Variants in LSM4 observed in about 807,000 individuals in gnomAD.
LSM4 encodes the protein LSM4 homolog, U6 small nuclear RNA and mRNA degradation associated.
A neutral mutation model predicts 22.3 loss-of-function variants in LSM4; 15 were observed. The ratio of observed to expected loss-of-function variants is 0.67; its 90% CI spans 0.45 to 1.03. LSM4 has a LOEUF of 1.03. Ranked by LOEUF, LSM4 falls within the 50% of genes least tolerant of loss-of-function variation. LSM4 has a pLI of 0.00. For missense variants in LSM4, 127 were observed against 198.0 expected, an observed-to-expected ratio of 0.64 and a Z score of 2.15; for synonymous variants, 90 against 79.8, an observed-to-expected ratio of 1.13 and a Z score of -0.68.
intron 1 of LSM4, among the ~76,000 whole-genome samples, chr19:18,317,694 T>C (rs1410071241): frequency 1.3e-5 from 2 of 151,862 alleles, no homozygotes; most frequent in Non-Finnish European, 2.9e-5. Flanking sequence ...AGGTGAACTT[T>C]CAAGATTTTT....
intron 2 of LSM4, among the ~76,000 whole-genome samples, chr19:18,313,182 T>G (rs555022417): frequency 1.3e-5 from 2 of 151,294 alleles, no homozygotes; most frequent in East Asian, 3.9e-4. Flanking sequence ...TAGGGGGAGG[T>G]TGCAGTGAGC....
rs2232966 is a variant in LSM4, at chr19:18,316,048, C to T, written c.21G>A (p.Leu7=). The T allele has an allele frequency of 1.2e-6, 2 of 1,613,718 alleles. No homozygotes were observed. Among genetic ancestry groups the T allele is most frequent in the Non-Finnish European group, 1.7e-6 (2 of 1,179,768 alleles). ...CCATGGGGTGATTCTGAGCCGTCTT[C>T]AGCAGTGACAAGGGAAGCTGAAAGG... The part of the protein sequence containing the change: MLPLSL[L]KTAQNHPMLV... Residue 7 remains leucine (L), a synonymous_variant, in exon 2 of 5, where the codon CTG becomes CTA. Coordinates refer to ENST00000593829, the MANE Select transcript of LSM4 (RefSeq NM_012321.5).
chr19:18,316,199 C>G, intron 1 of LSM4, 134 bp from the exon 2 acceptor site: 3 of 686,080 alleles, frequency 4.4e-6, no homozygotes, highest in Non-Finnish European at 7.5e-6. Context: ...AATCACCCCC[C>G]ACTGGAAATG....
intron 1 of LSM4, among the ~76,000 whole-genome samples, chr19:18,318,833 T>C (rs1194607083): frequency 2.0e-5 from 3 of 152,248 alleles, no homozygotes; most frequent in African/African-American, 4.8e-5. Context: ...ACAGACCCTC[T>C]TGGGCCACCA....
chr19:18,315,104 C>T (rs1379594859), intron 2 of LSM4, among the ~76,000 whole-genome samples: 2 of 152,074 alleles, frequency 1.3e-5, no homozygotes, highest in East Asian at 1.9e-4. Context: ...CCAGGATGGT[C>T]TCGATCTCCT....
intron 3 of LSM4, chr19:18,310,234 G>A: frequency 3.9e-6 from 1 of 257,286 alleles, no homozygotes; most frequent in South Asian, 6.0e-5. Context: ...AAAGCCCAGA[G>A]CGGGTGGGGG....
chr19:18,316,158 G>T, intron 1 of LSM4, 93 bp from the exon 2 acceptor site: 1 of 1,184,478 alleles, frequency 8.4e-7, no homozygotes, highest in Non-Finnish European at 1.2e-6. Flanking sequence ...AGATGGTGCG[G>T]TGCGGTTGAG....
rs2148135784 is a variant in LSM4, at chr19:18,307,028, A to C, written c.*436T>G. On this transcript the variant is annotated 3_prime_UTR_variant, in exon 5 of 5. Transcript: ENST00000593829. ...TTCAACCGTCCCGGGTTTGTTTTGA[A>C]GGCAATTTTGGGGCCGCGCCCAAGG... 6.1e-6 allele frequency: 1 copy of C among 163,198 alleles called. No homozygotes were observed. Among genetic ancestry groups the C allele is most frequent in the Admixed American group, 6.4e-5 (1 of 15,568 alleles). 10.1% of individuals were successfully genotyped at this position (163,198 alleles called of 1,614,324 possible).
chr19:18,319,544 A>G (rs1441673737), intron 1 of LSM4, among the ~76,000 whole-genome samples: 1 of 152,200 alleles, frequency 6.6e-6, no homozygotes, highest in South Asian at 2.1e-4. Context: ...CCTGGGTGAC[A>G]GTGACACTTC....
At chr19:18,319,243 AAAAAAC>A (rs1970395364) in intron 1 of LSM4, among the ~76,000 whole-genome samples, 2 of 150,614 alleles carry the variant, frequency 1.3e-5, no homozygotes, top group African/African-American at 2.5e-5. Context: ...CTGTTTCAAA[AAAAAAC>A]AAAAAACAAA....
chr19:18,309,376 T>A lies in LSM4; in HGVS notation c.328+302A>T, dbSNP rs533177670. On this transcript the variant is annotated intron_variant, in intron 4 of 4. Coordinates refer to ENST00000593829, the MANE Select transcript of LSM4 (RefSeq NM_012321.5). ...GGATAGAGCCACGCCAGGTTCCAAG[T>A]GGAGTTGCCAGCGGCCTGGACAGAT... 33 of 412,718 alleles carry A rather than the reference T, an allele frequency of 8.0e-5. No homozygotes were observed. The South Asian group carries it at 1.6e-3, about 20-fold the overall frequency. 25.6% of individuals were successfully genotyped at this position (412,718 alleles called of 1,614,324 possible). A position where few individuals can be genotyped will look rare whatever the true frequency, so the allele number is the denominator to read the frequency against.
At chr19:18,313,358 T>G (rs1278735501) in intron 2 of LSM4, among the ~76,000 whole-genome samples, 7 of 152,216 alleles carry the variant, frequency 4.6e-5, no homozygotes, top group Non-Finnish European at 4.4e-5. Flanking sequence ...GCTGGGCTGG[T>G]CCTGGCAGGC....
intron 3 of LSM4, among the ~76,000 whole-genome samples, chr19:18,311,191 C>T (rs1368414875): frequency 6.6e-6 from 1 of 152,146 alleles, no homozygotes; most frequent in African/African-American, 2.4e-5. Context: ...GAGGCTTCCT[C>T]GTGCAGGAAC....
intron 1 of LSM4, among the ~76,000 whole-genome samples, chr19:18,316,982 C>T (rs1243166192): frequency 2.6e-5 from 4 of 152,016 alleles, no homozygotes; most frequent in African/African-American, 7.2e-5. Context: ...TTGCTGGGCA[C>T]GGTGGTGCGC....
At chr19:18,310,380 G>C (rs928619816) in intron 3 of LSM4, among the ~76,000 whole-genome samples, 1 of 152,194 alleles carries the variant, frequency 6.6e-6, no homozygotes, top group African/African-American at 2.4e-5. Flanking sequence ...CCTGCGCTGG[G>C]TGCAGGGACA....
chr19:18,318,842 C>T (rs1970388610), intron 1 of LSM4, among the ~76,000 whole-genome samples: 1 of 152,260 alleles, frequency 6.6e-6, no homozygotes, highest in Admixed American at 6.5e-5. Flanking sequence ...CTTGGGCCAC[C>T]ACCTGGTCTC....
At chr19:18,311,077 C>T (rs1290552193) in intron 3 of LSM4, among the ~76,000 whole-genome samples, 1 of 152,178 alleles carries the variant, frequency 6.6e-6, no homozygotes, top group Non-Finnish European at 1.5e-5. Flanking sequence ...TGCTCACTCT[C>T]CCAGGAACCC....
intron 3 of LSM4, among the ~76,000 whole-genome samples, chr19:18,311,284 G>A (rs946018257): frequency 6.6e-6 from 1 of 152,150 alleles, no homozygotes; most frequent in African/African-American, 2.4e-5. Context: ...CGGGGTCTCT[G>A]CATCCTGCGG....
chr19:18,310,637 CCCGCCCCA>C (rs763122348), intron 3 of LSM4, among the ~76,000 whole-genome samples: 2 of 152,180 alleles, frequency 1.3e-5, no homozygotes, highest in African/African-American at 2.4e-5. Context: ...GTTTCCCAGC[CCCGCCCCA>C]CCGCCCAGGT....
Sources: gnomAD v4.1 joint callset for allele counts (sites outside exome capture counted in the v4.1 genomes callset) on GRCh38, gnomAD v4.1.1 for gene constraint, MANE v1.5 for transcripts, NCBI Gene and HGNC (gene_info 2026-07-23, HGNC 2026-07-21) for gene names.